The following NCSTN variants were observed in gnomAD, a reference collection of about 807,000 sequenced individuals.
NCSTN encodes anterior pharynx-defective 2.
A neutral mutation model predicts 87.0 loss-of-function variants in NCSTN; 22 were observed. The observed-to-expected ratio is 0.25, with a 90% CI of 0.18 to 0.36. NCSTN has a LOEUF of 0.36. NCSTN is among the 10% of genes least tolerant of loss of function. NCSTN has a pLI of 1.00. For missense variants in NCSTN, 693 were observed against 883.3 expected, an observed-to-expected ratio of 0.78 and a Z score of 2.73; for synonymous variants, 306 against 327.1, an observed-to-expected ratio of 0.94 and a Z score of 0.69.
At chr1:160,349,798 C>A in intron 4 of NCSTN, 128 bp downstream of exon 4, 2 of 1,334,312 alleles carry the variant, frequency 1.5e-6, no homozygotes, top group Non-Finnish European at 2.1e-6. Context: ...GACTCCCAAA[C>A]AGGGGGTAGT....
intron 3 of NCSTN, 46 bp from the exon 4 acceptor site, chr1:160,349,503 C>T (rs1216846744): frequency 1.2e-6 from 2 of 1,613,574 alleles, no homozygotes; most frequent in African/African-American, 2.7e-5. Context: ...GTCAGGCTGT[C>T]TGATACCTTC....
At chr1:160,351,446 A>T in intron 6 of NCSTN, 74 bp downstream of exon 6, 1 of 1,531,182 alleles carries the variant, frequency 6.5e-7, no homozygotes, top group Non-Finnish European at 9.0e-7. Context: ...AGGGAATGTT[A>T]GAGAGACTGT....
intron 2 of NCSTN, among the ~76,000 whole-genome samples, chr1:160,347,344 T>G (rs980997408): frequency 3.3e-5 from 5 of 152,248 alleles, no homozygotes; most frequent in African/African-American, 7.2e-5. Flanking sequence ...TATAATACTC[T>G]GCTTCTCTTA....
chr1:160,351,947 G>A lies in NCSTN; in HGVS notation c.844-107G>A, dbSNP rs981923091. 77 of 1,512,302 alleles carry A rather than the reference G, an allele frequency of 5.1e-5. No homozygotes were observed. The African/African-American group carries it at 6.7e-4, about 13-fold the overall frequency. 93.7% of individuals were successfully genotyped at this position (1,512,302 alleles called of 1,614,324 possible). ...ATCTGGGCTGTGGGACTCCTGGGTTGTCTCCATTGCCACAGGACAGGTATA... is the reference window on the plus strand; with the variant it reads ...ATCTGGGCTGTGGGACTCCTGGGTTATCTCCATTGCCACAGGACAGGTATA... On this transcript the variant is annotated intron_variant, in intron 7 of 16. Transcript: ENST00000294785.
intron 1 of NCSTN, among the ~76,000 whole-genome samples, chr1:160,344,183 A>G (rs1345296638): frequency 6.6e-6 from 1 of 152,040 alleles, no homozygotes; most frequent in African/African-American, 2.4e-5. Context: ...CCCAATTCAC[A>G]TTGTTTTTAA....
At chr1:160,350,880 C>T (rs1648800170) in intron 5 of NCSTN, among the ~76,000 whole-genome samples, 1 of 152,130 alleles carries the variant, frequency 6.6e-6, no homozygotes, top group African/African-American at 2.4e-5. Context: ...CAAGCTGTGT[C>T]ATATCTGATT....
chr1:160,352,028 C>A, intron 7 of NCSTN, 26 bp from the exon 8 acceptor site: 1 of 1,613,408 alleles, frequency 6.2e-7, no homozygotes, highest in South Asian at 1.1e-5. Flanking sequence ...GTATATATCC[C>A]CTGACTTTTC....
chr1:160,343,954 GTTTT>G (rs35301624), intron 1 of NCSTN: 125 of 152,344 alleles, frequency 8.2e-4, no homozygotes, highest in South Asian at 1.7e-3. Context: ...CTTGCCTCAG[GTTTT>G]TTTTTTTTTT....
At chr1:160,351,988 C>G (rs1202538779) in intron 7 of NCSTN, 66 bp from the exon 8 acceptor site, 42 of 1,584,232 alleles carry the variant, frequency 2.7e-5, no homozygotes, top group Non-Finnish European at 3.6e-5. Context: ...TTGACTGGAG[C>G]AAGAAAGGAG....
chr1:160,348,388 CTT>C (rs1648632315), intron 2 of NCSTN, among the ~76,000 whole-genome samples: 1 of 152,202 alleles, frequency 6.6e-6, no homozygotes, highest in African/African-American at 2.4e-5. Flanking sequence ...CTGGAGGTGA[CTT>C]TGGAAACCCT....
In NCSTN at chr1:160,349,031, G is replaced by T; in HGVS notation, c.223G>T (p.Val75Leu). 9 of 1,614,182 alleles carry T rather than the reference G, an allele frequency of 5.6e-6. No individual in the cohort carries two copies. The highest frequency in any genetic ancestry group is 7.6e-6 in the Non-Finnish European group (9 of 1,179,998). The change falls in exon 3 of 17, where the codon GTA becomes TTA. Residue 75 changes from valine (V) to leucine (L), a missense_variant. Coordinates refer to ENST00000294785, the MANE Select transcript of NCSTN (RefSeq NM_015331.3). ...TAGTGGAGACACAGGGGTTATCCAC[G>T]TAGTAGAGAAAGAGGAGGACCTACA... ...SISGDTGVIH[V>L]VEKEEDLQWV...
chr1:160,352,142 C>T lies in NCSTN; in HGVS notation c.932C>T (p.Ala311Val). 6.2e-7 allele frequency: 1 copy of T among 1,614,228 alleles called. No individual in the cohort carries two copies. Among genetic ancestry groups the T allele is most frequent in the Non-Finnish European group, 8.5e-7 (1 of 1,180,030 alleles). ...SFVTQLAAAE[A>V]LQKAPDVTTL... ...GTCACCCAGCTGGCTGCTGCTGAAG[C>T]TTTGCAAAAGGCACCTGATGTGACC... Residue 311 changes from alanine (A) to valine (V), a missense_variant, in exon 8 of 17, where the codon GCT becomes GTT. Coordinates refer to ENST00000294785, the MANE Select transcript of NCSTN (RefSeq NM_015331.3).
At position 160,358,278 on chromosome 1, in the gene NCSTN, C is replaced by A; in HGVS notation, c.*7C>A. 6.2e-7 allele frequency: 1 copy of A among 1,613,988 alleles called. No homozygotes were observed. The highest frequency in any genetic ancestry group is 8.5e-7 in the Non-Finnish European group (1 of 1,180,004). ...AGGAGCTGTGTCATACTGAGGAGGA[C>A]CCCAGCTTTTCTTGCCAGCTCAGCA... On this transcript the variant is annotated 3_prime_UTR_variant, in exon 17 of 17. Transcript: ENST00000294785.
chr1:160,350,218 G>A lies in NCSTN; in HGVS notation c.550G>A (p.Glu184Lys), dbSNP rs200188803. 8.1e-6 allele frequency: 13 copies of A among 1,614,108 alleles called. No homozygotes were observed. Among genetic ancestry groups the A allele is most frequent in the Non-Finnish European group, 1.0e-5 (12 of 1,179,966 alleles). Residue 184 changes from glutamate (E) to lysine (K), a missense_variant, in exon 5 of 17, where the codon GAA becomes AAA. By Grantham distance (56) the Glu-to-Lys change is moderately conservative. Coordinates refer to ENST00000294785, the MANE Select transcript of NCSTN (RefSeq NM_015331.3). ...CTTTAGTTTCCCCATCTTTCTTCTT[G>A]AAGATGAAAATGAAACCAAAGTCAT... ...EDFSFPIFLL[E>K]DENETKVIKQ...
chr1:160,354,000 G>C (rs765795176), intron 10 of NCSTN, 118 bp from the exon 11 acceptor site: 1 of 1,106,096 alleles, frequency 9.0e-7, no homozygotes, highest in Non-Finnish European at 1.3e-6. Context: ...AGGTCTACTA[G>C]AGATAGGGTA....
chr1:160,354,092 C>G, intron 10 of NCSTN, 26 bp from the exon 11 acceptor site: 2 of 1,610,448 alleles, frequency 1.2e-6, no homozygotes, highest in South Asian at 1.1e-5. Context: ...AGCCTCCCAT[C>G]AGTTAATCTC....
rs376983649 is a variant in NCSTN at position 160,343,448 on chromosome 1, C to G, written c.52C>G (p.Leu18Val). 1.2e-5 allele frequency: 20 copies of G among 1,611,854 alleles called. No individual in the cohort carries two copies. Among genetic ancestry groups the G allele is most frequent in the Non-Finnish European group, 1.7e-5 (20 of 1,179,380 alleles). Residue 18 changes from leucine (L) to valine (V), a missense_variant, in exon 1 of 17, where the codon CTT (leucine) becomes GTT (valine). Leu to Val is a conservative substitution (Grantham distance 32). Transcript: ENST00000294785. ...GGCTGACCCGGGAAGTCGGGGTCTCCTTCGCCTTCTGTCTTTCTGCGTCCT... is the reference window on the plus strand; with the variant it reads ...GGCTGACCCGGGAAGTCGGGGTCTCGTTCGCCTTCTGTCTTTCTGCGTCCT... ...SGADPGSRGL[L>V]RLLSFCVLLA...
In NCSTN at chr1:160,349,669, T is replaced by C; in HGVS notation, c.435T>C (p.Phe145=). Residue 145 remains phenylalanine (F), a splice_region_variant and synonymous_variant, in exon 4 of 17, where the codon TTT becomes TTC. Coordinates refer to ENST00000294785, the MANE Select transcript of NCSTN (RefSeq NM_015331.3). ...GTGTACAGTGCCCAAATGATGGGTTTGGTAAGTGTCCCAAAGGATCAGGAG... is the reference window on the plus strand; with the variant it reads ...GTGTACAGTGCCCAAATGATGGGTTCGGTAAGTGTCCCAAAGGATCAGGAG... ...SPSVQCPNDG[F]GVYSNSYGPE... is the part of the protein sequence containing the mutation. 6.2e-7 allele frequency: 1 copy of C among 1,613,812 alleles called. No homozygotes were observed. The highest frequency in any genetic ancestry group is 8.5e-7 in the Non-Finnish European group (1 of 1,180,028).
At position 160,349,004 on chromosome 1, in the gene NCSTN, A is replaced by G. The variant is rs762056001; in HGVS notation, c.196A>G (p.Ile66Val). ...GACTCATTCTGTCCTGGCAGCTTCA[A>G]TTAGTGGAGACACAGGGGTTATCCA... is the stretch of plus-strand genomic sequence containing the variant. ...ATHQIGCQSS[I>V]SGDTGVIHVV... Residue 66 changes from isoleucine (I) to valine (V), a missense_variant, in exon 3 of 17, where the codon ATT becomes GTT. Physicochemically the swap from Ile to Val is conservative, Grantham distance 29. Around this residue, in one of 4 missense-constraint regions of NCSTN, gnomAD observed 235 missense variants for 233.9 expected, o/e 1.00. Coordinates refer to ENST00000294785, the MANE Select transcript of NCSTN (RefSeq NM_015331.3). The G allele has an allele frequency of 2.5e-6, 4 of 1,614,082 alleles. No homozygotes were observed. The highest frequency in any genetic ancestry group is 1.7e-5 in the Admixed American group (1 of 60,008).
Sources: allele counts gnomAD v4.1 joint callset (sites outside exome capture counted in the v4.1 genomes callset), GRCh38; gene constraint gnomAD v4.1.1; regional missense constraint gnomAD v4.1.1; transcripts MANE v1.5; gene names NCBI Gene and HGNC (gene_info 2026-07-23, HGNC 2026-07-21).